Variants in KCTD8 observed in about 807,000 individuals in gnomAD.
KCTD8 encodes the protein potassium channel tetramerization domain containing 8.
A neutral mutation model predicts 31.5 loss-of-function variants in KCTD8; 27 were observed. The observed-to-expected ratio is 0.86, with a 90% CI of 0.63 to 1.18. KCTD8 has a LOEUF of 1.18. KCTD8 is among the 50% of genes most tolerant of loss of function. The pLI, the probability that KCTD8 is intolerant of heterozygous loss-of-function variation, is 0.00. For synonymous variants in KCTD8, 290 were observed against 280.0 expected (o/e 1.04, Z -0.36); for missense variants, 658 against 647.7 (o/e 1.02, Z -0.17).
intron 1 of KCTD8, among the ~76,000 whole-genome samples, chr4:44,240,064 A>G (rs1715402944): frequency 6.6e-6 from 1 of 152,202 alleles, no homozygotes; most frequent in Admixed American, 6.5e-5. Context: ...GCATAATGTC[A>G]TTTATCGGGA....
At chr4:44,373,481 C>T (rs1719843194) in intron 1 of KCTD8, among the ~76,000 whole-genome samples, 1 of 152,122 alleles carries the variant, frequency 6.6e-6, no homozygotes, top group African/African-American at 2.4e-5. Context: ...ACCTGTTTAT[C>T]CCACATTTCC....
intron 1 of KCTD8, among the ~76,000 whole-genome samples, chr4:44,302,393 T>C (rs1292976208): frequency 2.0e-5 from 3 of 152,172 alleles, no homozygotes; most frequent in African/African-American, 7.2e-5. Flanking sequence ...TTTTATTTCA[T>C]TGAGCAGTGG....
At chr4:44,356,957 T>C (rs541052632) in intron 1 of KCTD8, among the ~76,000 whole-genome samples, 1 of 152,222 alleles carries the variant, frequency 6.6e-6, no homozygotes, top group Admixed American at 6.5e-5. Context: ...TAGAACAATA[T>C]TTTGAAAACT....
chr4:44,241,258 G>C (rs191167757), intron 1 of KCTD8, among the ~76,000 whole-genome samples: 1 of 152,128 alleles, frequency 6.6e-6, no homozygotes, highest in Non-Finnish European at 1.5e-5. Context: ...TTGAAAAAGA[G>C]ATTTATCTTG....
intron 1 of KCTD8, among the ~76,000 whole-genome samples, chr4:44,312,787 T>G (rs1055891516): frequency 2.6e-5 from 4 of 152,148 alleles, no homozygotes; most frequent in Non-Finnish European, 4.4e-5. Context: ...AAAACAAGTT[T>G]GTTTGATGAT....
At chr4:44,312,972 T>C (rs1217922004) in intron 1 of KCTD8, among the ~76,000 whole-genome samples, 2 of 152,160 alleles carry the variant, frequency 1.3e-5, no homozygotes, top group Non-Finnish European at 2.9e-5. Context: ...GATATCCTGA[T>C]TCAGACTATC....
At chr4:44,194,002 G>C (rs939462926) in intron 1 of KCTD8, among the ~76,000 whole-genome samples, 2 of 152,124 alleles carry the variant, frequency 1.3e-5, no homozygotes, top group African/African-American at 4.8e-5. Context: ...AACAGAGAAA[G>C]AATAGAGAGG....
intron 1 of KCTD8, among the ~76,000 whole-genome samples, chr4:44,257,269 TATTG>T (rs1403802940): frequency 6.6e-6 from 1 of 152,038 alleles, no homozygotes; most frequent in Non-Finnish European, 1.5e-5. Context: ...CCTGAATGTA[TATTG>T]ATTGATAACA....
At chr4:44,239,608 A>T (rs995479799) in intron 1 of KCTD8, among the ~76,000 whole-genome samples, 4 of 152,214 alleles carry the variant, frequency 2.6e-5, no homozygotes, top group African/African-American at 9.6e-5. Flanking sequence ...CAATTTATTA[A>T]GTTGTTCACC....
At chr4:44,247,509 T>C (rs2109359841) in intron 1 of KCTD8, among the ~76,000 whole-genome samples, 1 of 152,030 alleles carries the variant, frequency 6.6e-6, no homozygotes, top group Non-Finnish European at 1.5e-5. Flanking sequence ...TTAACAATTT[T>C]TTAAGTGCAC....
chr4:44,399,933 T>C (rs2109455705), intron 1 of KCTD8, among the ~76,000 whole-genome samples: 1 of 152,288 alleles, frequency 6.6e-6, no homozygotes, highest in East Asian at 1.9e-4. Context: ...TTTCAAGTGG[T>C]TTCTGAAACA....
intron 1 of KCTD8, among the ~76,000 whole-genome samples, chr4:44,338,967 T>G (rs1718825388): frequency 6.6e-6 from 1 of 152,176 alleles, no homozygotes; most frequent in Non-Finnish European, 1.5e-5. Flanking sequence ...AAGCACATTC[T>G]GAGCCTCACT....
Position 44,234,182 on chromosome 4 carries a change from C to A in KCTD8, c.962-58932G>T, listed in dbSNP as rs190599904. Among the ~76,000 whole-genome samples, 108 of 152,170 alleles carry A rather than the reference C, an allele frequency of 7.1e-4. 1 individual carries two copies. The highest frequency in any genetic ancestry group is 2.6e-3 in the African/African-American group (107 of 41,530). On this transcript the variant is annotated intron_variant, in intron 1 of 1. Coordinates refer to ENST00000360029, the MANE Select transcript of KCTD8 (RefSeq NM_198353.3). ...TACAAGTTAGGAAACTGAGGTGGGG[C>A]AATTGAGATACAATGGAATCTATGA...
intron 1 of KCTD8, among the ~76,000 whole-genome samples, chr4:44,189,056 A>AT (rs1302714911): frequency 6.6e-6 from 1 of 152,204 alleles, no homozygotes; most frequent in Non-Finnish European, 1.5e-5. Flanking sequence ...TGAACATAAT[A>AT]TTGTCCTTAA....
At chr4:44,194,596 A>G (rs1015151665) in intron 1 of KCTD8, among the ~76,000 whole-genome samples, 1 of 152,192 alleles carries the variant, frequency 6.6e-6, no homozygotes, top group Non-Finnish European at 1.5e-5. Flanking sequence ...TGAAGTGCTG[A>G]GAACACAGAA....
intron 1 of KCTD8, among the ~76,000 whole-genome samples, chr4:44,337,370 T>C (rs1718776771): frequency 1.3e-5 from 2 of 152,130 alleles, no homozygotes; most frequent in African/African-American, 4.8e-5. Context: ...ATATGCTATA[T>C]GTTTTCATAG....
At chr4:44,257,259 C>A (rs370095092) in intron 1 of KCTD8, among the ~76,000 whole-genome samples, 1 of 151,486 alleles carries the variant, frequency 6.6e-6, no homozygotes, top group Non-Finnish European at 1.5e-5. Flanking sequence ...AAAATGTGAC[C>A]CTGAATGTAT....
At chr4:44,277,976 C>G (rs572493756) in intron 1 of KCTD8, among the ~76,000 whole-genome samples, 5 of 152,044 alleles carry the variant, frequency 3.3e-5, no homozygotes, top group Admixed American at 3.3e-4. Flanking sequence ...AAGGATTGTA[C>G]TAAATTTTCT....
chr4:44,182,804 T>TA (rs1713469343), intron 1 of KCTD8, among the ~76,000 whole-genome samples: 1 of 152,094 alleles, frequency 6.6e-6, no homozygotes, highest in African/African-American at 2.4e-5. Flanking sequence ...AATAAATAAA[T>TA]AAATAAAAAC....
Sources: gnomAD v4.1 joint callset for allele counts (sites outside exome capture counted in the v4.1 genomes callset) on GRCh38, gnomAD v4.1.1 for gene constraint, MANE v1.5 for transcripts, NCBI Gene and HGNC (gene_info 2026-07-23, HGNC 2026-07-21) for gene names.